GRIK2: variants seen among roughly 807,000 people sequenced by gnomAD.
GRIK2 encodes the protein glutamate ionotropic receptor kainate type subunit 2, also known as glutamate receptor ionotropic, kainate 2.
In GRIK2, 32 loss-of-function variants were observed where a neutral mutation model predicts 100.3. The observed-to-expected ratio is 0.32, with a 90% CI of 0.24 to 0.43. The LOEUF (loss-of-function observed/expected upper bound fraction) is 0.43. Ranked by LOEUF, GRIK2 falls within the 20% of genes least tolerant of loss-of-function variation. GRIK2 has a pLI of 1.00. For missense variants in GRIK2, 843 were observed against 1,114.9 expected (o/e 0.76, Z 3.47); for synonymous variants, 417 against 389.4 (o/e 1.07, Z -0.83).
chr6:102,063,026 A>G (rs1771832922), intron 16 of GRIK2, among the ~76,000 whole-genome samples: 1 of 150,676 alleles, frequency 6.6e-6, no homozygotes, highest in East Asian at 1.9e-4. Flanking sequence ...GTCAGAAATT[A>G]ATTGGAGAGT....
intron 2 of GRIK2, among the ~76,000 whole-genome samples, chr6:101,580,285 G>T (rs1582759254): frequency 6.6e-6 from 1 of 151,920 alleles, no homozygotes; most frequent in South Asian, 2.1e-4. Context: ...TGGTTTTTTT[G>T]GAATCTTCCC....
chr6:102,035,579 T>G lies in GRIK2; in HGVS notation c.2311+13T>G. The G allele has an allele frequency of 1.4e-6, 2 of 1,418,828 alleles. No homozygotes were observed. Among genetic ancestry groups the G allele is most frequent in the Non-Finnish European group, 2.0e-6 (2 of 1,004,728 alleles). 87.9% of individuals were successfully genotyped at this position (1,418,828 alleles called of 1,614,324 possible). A position where few individuals can be genotyped will look rare whatever the true frequency, so the allele number is the denominator to read the frequency against. ...GGCACTCCCATGGGTAGGTTATATG[T>G]CAGCTCTTTGTTCTTTGTTCATTAA... On this transcript the variant is annotated intron_variant, in intron 15 of 16. Transcript: ENST00000369134.
At chr6:101,569,978 G>GTTTAT (rs1777455987) in intron 2 of GRIK2, among the ~76,000 whole-genome samples, 1 of 152,154 alleles carries the variant, frequency 6.6e-6, no homozygotes, top group East Asian at 1.9e-4. Flanking sequence ...TTTGTTTATT[G>GTTTAT]TGAAGCACTA....
chr6:102,054,452 G>C (rs1418956281), intron 15 of GRIK2, among the ~76,000 whole-genome samples: 1 of 151,966 alleles, frequency 6.6e-6, no homozygotes, highest in African/African-American at 2.4e-5. Flanking sequence ...GGCTATTTCT[G>C]GGTGGGGGAA....
At chr6:101,923,261 CA>C (rs1789671040) in intron 12 of GRIK2, among the ~76,000 whole-genome samples, 1 of 151,972 alleles carries the variant, frequency 6.6e-6, no homozygotes, top group Non-Finnish European at 1.5e-5. Context: ...TTAATGCTTT[CA>C]CAAAGCGGAC....
intron 14 of GRIK2, among the ~76,000 whole-genome samples, chr6:101,966,693 T>C (rs536104269): frequency 6.6e-6 from 1 of 152,196 alleles, no homozygotes; most frequent in East Asian, 1.9e-4. Context: ...CATCCCCTCC[T>C]CACTTGCTCT....
At chr6:102,043,245 C>G (rs1292925551) in intron 15 of GRIK2, among the ~76,000 whole-genome samples, 1 of 149,412 alleles carries the variant, frequency 6.7e-6, no homozygotes, top group Non-Finnish European at 1.5e-5. Context: ...AATGATTAAA[C>G]TAATTAGCAT....
At chr6:101,778,696 T>C (rs1015260240) in intron 7 of GRIK2, among the ~76,000 whole-genome samples, 1 of 152,182 alleles carries the variant, frequency 6.6e-6, no homozygotes, top group African/African-American at 2.4e-5. Flanking sequence ...CTGAGAAATT[T>C]GATATACTAA....
At chr6:101,506,453 T>C (rs1442805686) in intron 2 of GRIK2, among the ~76,000 whole-genome samples, 1 of 152,140 alleles carries the variant, frequency 6.6e-6, no homozygotes, top group African/African-American at 2.4e-5. Context: ...TTTAAAATGG[T>C]AAAAGTATGG....
At chr6:102,051,706 A>G (rs1354126525) in intron 15 of GRIK2, among the ~76,000 whole-genome samples, 1 of 152,080 alleles carries the variant, frequency 6.6e-6, no homozygotes, top group Non-Finnish European at 1.5e-5. Flanking sequence ...TGAGTGTTGC[A>G]GTTTTCCAGA....
intron 15 of GRIK2, among the ~76,000 whole-genome samples, chr6:102,042,813 T>C (rs1385457312): frequency 6.6e-6 from 1 of 151,844 alleles, no homozygotes; most frequent in East Asian, 1.9e-4. Flanking sequence ...TCTATTTTCA[T>C]ACTTAGTGTC....
At chr6:101,457,516 A>G (rs1399708767) in intron 2 of GRIK2, among the ~76,000 whole-genome samples, 2 of 152,046 alleles carry the variant, frequency 1.3e-5, no homozygotes, top group Non-Finnish European at 2.9e-5. Context: ...TTTTGTTCTG[A>G]TGGAATATTT....
At chr6:101,760,631 T>TATATATAATTATATATAATTAA in intron 7 of GRIK2, among the ~76,000 whole-genome samples, 1 of 114,292 alleles carries the variant, frequency 8.7e-6, no homozygotes, top group African/African-American at 3.3e-5. Flanking sequence ...TATGTTTAAT[T>TATATATAATTATATATAATTAA]ATATATAATT....
At chr6:101,521,177 T>C (rs1486145536) in intron 2 of GRIK2, among the ~76,000 whole-genome samples, 8 of 152,072 alleles carry the variant, frequency 5.3e-5, no homozygotes, top group Admixed American at 5.2e-4. Context: ...GTTTCAAAGA[T>C]AAATGTCAAT....
chr6:101,752,325 C>T (rs1484436568), intron 7 of GRIK2, among the ~76,000 whole-genome samples: 5 of 152,136 alleles, frequency 3.3e-5, no homozygotes, highest in East Asian at 1.9e-4. Flanking sequence ...AGTATTAACA[C>T]GATTTTCCAG....
At chr6:101,658,198 C>T (rs12193633) in intron 4 of GRIK2, among the ~76,000 whole-genome samples, 6,212 of 152,160 alleles carry the variant, frequency 0.041, 198 homozygotes, top group Non-Finnish European at 0.063. Flanking sequence ...AATACTATCC[C>T]TCCCCTAGTC....
rs1000270787 is a variant in GRIK2, at chr6:102,047,937, C to G, written c.2312-7393C>G. Reference sequence around the variant, plus strand: ...CAAAATAAAATAAAGCTAGAGGCATCACAATATCTGATTTCAAATTACACT... The same window carrying G: ...CAAAATAAAATAAAGCTAGAGGCATGACAATATCTGATTTCAAATTACACT... On this transcript the variant is annotated intron_variant, in intron 15 of 16. Coordinates refer to ENST00000369134, the MANE Select transcript of GRIK2 (RefSeq NM_021956.5). Among the ~76,000 whole-genome samples the G allele has an allele frequency of 2.6e-5, 4 of 151,530 alleles. 1 individual carries two copies. Among genetic ancestry groups the G allele is most frequent in the Admixed American group, 2.0e-4 (3 of 15,188 alleles).
chr6:101,783,334 T>G, intron 7 of GRIK2, among the ~76,000 whole-genome samples: 1 of 119,460 alleles, frequency 8.4e-6, no homozygotes, highest in East Asian at 1.7e-3. Context: ...CTCTCTCTCT[T>G]GCCACCATGT....
rs1214919670 is a variant in GRIK2, at chr6:101,467,018, G to C, written c.115+67626G>C. Among the ~76,000 whole-genome samples the C allele has an allele frequency of 1.2e-4, 19 of 152,136 alleles. 1 individual carries two copies. The highest frequency in any genetic ancestry group is 9.8e-4 in the Admixed American group (15 of 15,262). ...AATATACATGATAGTAGCTGTCTTA[G>C]ATGACACAAGAAAATGAAATGTCTA... On this transcript the variant is annotated intron_variant, in intron 2 of 16. Transcript: ENST00000369134.
Sources: gnomAD v4.1 joint callset for allele counts (sites outside exome capture counted in the v4.1 genomes callset) on GRCh38, gnomAD v4.1.1 for gene constraint, MANE v1.5 for transcripts, NCBI Gene and HGNC (gene_info 2026-07-23, HGNC 2026-07-21) for gene names.